BICRA: variants seen among roughly 807,000 people sequenced by gnomAD.
The protein encoded by BICRA is BRD4 interacting chromatin remodeling complex associated protein.
BICRA carries 31 observed loss-of-function variants against 96.9 expected under a neutral mutation model. That is an observed-to-expected ratio of 0.32 (90% CI 0.24 to 0.43). BICRA has a LOEUF of 0.43. Among genes scored for constraint, BICRA ranks in the 20% least tolerant of loss-of-function variants. The pLI is 1.00. For missense variants in BICRA, 2,283 were observed against 2,190.3 expected (o/e 1.04, Z -0.84); for synonymous variants, 1,350 against 1,071.8 (o/e 1.26, Z -5.07).
chr19:47,641,776 C>A (rs1413657341), intron 1 of BICRA, among the ~76,000 whole-genome samples: 2 of 152,006 alleles, frequency 1.3e-5, no homozygotes, highest in South Asian at 2.1e-4. Context: ...AATCTATAGA[C>A]CAATTTGAGT....
chr19:47,696,635 G>A, intron 11 of BICRA, 123 bp downstream of exon 11: 1 of 822,104 alleles, frequency 1.2e-6, no homozygotes, highest in Non-Finnish European at 1.9e-6. Flanking sequence ...TCCACCTCTT[G>A]GTAGCGATGT....
At chr19:47,637,240 C>T (rs904361578) in intron 1 of BICRA, among the ~76,000 whole-genome samples, 6 of 151,446 alleles carry the variant, frequency 4.0e-5, no homozygotes, top group African/African-American at 1.2e-4. Flanking sequence ...CTGCCTCAGC[C>T]TCCCAAGCAG....
intron 7 of BICRA, among the ~76,000 whole-genome samples, chr19:47,690,284 G>C (rs1973222305): frequency 6.6e-6 from 1 of 152,152 alleles, no homozygotes; most frequent in African/African-American, 2.4e-5. Flanking sequence ...TTACAGGTGT[G>C]AGCCACCGCG....
At position 47,653,987 on chromosome 19, in the gene BICRA, C is replaced by T. The variant is rs74690077; in HGVS notation, c.-107-16456C>T. ...AGCTGGTATTACAAGCGTGAGCCAC[C>T]GCACCCAGCCTTGGGCCAGTTTTTG... On this transcript the variant is annotated intron_variant, in intron 1 of 14. Transcript: ENST00000594866. Among the ~76,000 whole-genome samples the T allele has an allele frequency of 5.4e-3, 817 of 152,164 alleles. 5 individuals are homozygous for T. Among genetic ancestry groups the T allele is most frequent in the African/African-American group, 0.018 (747 of 41,504 alleles).
chr19:47,627,050 G>A (rs1044339352), intron 1 of BICRA, among the ~76,000 whole-genome samples: 1 of 151,950 alleles, frequency 6.6e-6, no homozygotes, highest in Admixed American at 6.6e-5. Flanking sequence ...ATCAAGCCTC[G>A]CTGCCCCCTT....
At chr19:47,638,231 C>T (rs1322118226) in intron 1 of BICRA, among the ~76,000 whole-genome samples, 2 of 152,158 alleles carry the variant, frequency 1.3e-5, no homozygotes, top group Non-Finnish European at 2.9e-5. Context: ...AGCTCTGCTC[C>T]CCCCTCAGGG....
At chr19:47,666,566 C>T (rs1972782394) in intron 1 of BICRA, among the ~76,000 whole-genome samples, 1 of 151,690 alleles carries the variant, frequency 6.6e-6, no homozygotes, top group Non-Finnish European at 1.5e-5. Context: ...TGTGAGCCAC[C>T]ACGCCCGGCC....
At chr19:47,657,365 A>G (rs1226138003) in intron 1 of BICRA, among the ~76,000 whole-genome samples, 1 of 151,170 alleles carries the variant, frequency 6.6e-6, no homozygotes, top group African/African-American at 2.4e-5. Flanking sequence ...TGCCATTTAC[A>G]GTTAGGGGCT....
chr19:47,638,486 A>T (rs1428085701), intron 1 of BICRA, among the ~76,000 whole-genome samples: 1 of 152,040 alleles, frequency 6.6e-6, no homozygotes, highest in Non-Finnish European at 1.5e-5. Flanking sequence ...ACTCCCAGCC[A>T]CCTATACCCA....
At chr19:47,673,885 G>T (rs1187753559) in intron 4 of BICRA, 123 bp downstream of exon 4, 1 of 855,160 alleles carries the variant, frequency 1.2e-6, no homozygotes, top group East Asian at 2.4e-5. Flanking sequence ...CTAACGCCAG[G>T]CACTGGAGTT....
At position 47,701,902 on chromosome 19, in the gene BICRA, CT is replaced by C; in HGVS notation, c.4171del (p.Tyr1391ThrfsTer54). The C allele has an allele frequency of 6.9e-7, 1 of 1,444,908 alleles. No individual in the cohort carries two copies. The highest frequency in any genetic ancestry group is 9.0e-7 in the Non-Finnish European group (1 of 1,107,266). 89.5% of individuals were successfully genotyped at this position (1,444,908 alleles called of 1,614,324 possible). A position where few individuals can be genotyped will look rare whatever the true frequency, so the allele number is the denominator to read the frequency against. The part of the protein sequence containing the change: ...HCPRLPLRKT[Y>X]RENVGGPGAP... Reference sequence around the variant, plus strand: ...GCCCGCGCCTGCCACTGCGCAAGACCTACCGCGAGAACGTGGGGGGCCCTGG... The same window carrying C: ...GCCCGCGCCTGCCACTGCGCAAGACCACCGCGAGAACGTGGGGGGCCCTGG... On this transcript the variant is annotated frameshift_variant, in exon 15 of 15. Coordinates refer to ENST00000594866, the MANE Select transcript of BICRA (RefSeq NM_001394372.1). LOFTEE classifies it high-confidence loss of function. The surrounding 1 kb of genome is among the most constrained non-coding windows in gnomAD (Gnocchi z 5.4).
rs551065175 is a variant in BICRA at position 47,631,388 on chromosome 19, C to T, written c.-108+22220C>T. On this transcript the variant is annotated intron_variant, in intron 1 of 14. Transcript: ENST00000594866. ...GATTACAGGCGCACGCCACCACACC[C>T]GGCTAATTTTTGTATTTTTAGTAAA... 6.6e-5 allele frequency among the ~76,000 whole-genome samples: 10 copies of T among 152,166 alleles called. No homozygotes were observed. The South Asian group carries it at 1.7e-3, about 25-fold the overall frequency.
chr19:47,627,406 C>G (rs1057433817), intron 1 of BICRA, among the ~76,000 whole-genome samples: 7 of 152,120 alleles, frequency 4.6e-5, no homozygotes, highest in African/African-American at 1.7e-4. Flanking sequence ...AGATGACATT[C>G]ATAGGTCAAC....
chr19:47,671,676 T>C (rs151203099), intron 2 of BICRA, among the ~76,000 whole-genome samples: 1 of 142,988 alleles, frequency 7.0e-6, no homozygotes, highest in Non-Finnish European at 1.5e-5. Flanking sequence ...GAGGGATGGG[T>C]AGGTAGACGG....
chr19:47,615,133 G>A (rs985499848), intron 1 of BICRA, among the ~76,000 whole-genome samples: 16 of 152,120 alleles, frequency 1.1e-4, no homozygotes, highest in Middle Eastern at 3.2e-3. Flanking sequence ...ACAGGTGCAC[G>A]CCACCACGCC....
rs1201322757 is a variant in BICRA at position 47,673,557 on chromosome 19, C to A, written c.-5-13C>A. 6.2e-7 allele frequency: 1 copy of A among 1,609,960 alleles called. No homozygotes were observed. On this transcript the variant is annotated splice_polypyrimidine_tract_variant and intron_variant, in intron 2 of 14. Coordinates refer to ENST00000594866, the MANE Select transcript of BICRA (RefSeq NM_001394372.1). ...TGTCTCCCTCGCCCTCTTCCTGACCCCACCCCATCCAGTGGCGATGGATGA... is the reference window on the plus strand; with the variant it reads ...TGTCTCCCTCGCCCTCTTCCTGACCACACCCCATCCAGTGGCGATGGATGA...
chr19:47,644,645 C>T (rs1006608706), intron 1 of BICRA, among the ~76,000 whole-genome samples: 1 of 151,868 alleles, frequency 6.6e-6, no homozygotes, highest in African/African-American at 2.4e-5. Flanking sequence ...GGATTACAGG[C>T]GCCCGCCACT....
chr19:47,693,701 C>T (rs894454627), intron 7 of BICRA, among the ~76,000 whole-genome samples: 3 of 152,200 alleles, frequency 2.0e-5, no homozygotes, highest in Admixed American at 2.0e-4. Context: ...CTGTGCTCGC[C>T]GCCCGGCCCT....
chr19:47,702,823 C>A lies in BICRA; in HGVS notation c.*408C>A. ...CTCAGATGGTGGAGGGTGCTGGGAG[C>A]TGGCAGGGTCCTTCCAGACAGTCTC... On this transcript the variant is annotated 3_prime_UTR_variant, in exon 15 of 15. Coordinates refer to ENST00000594866, the MANE Select transcript of BICRA (RefSeq NM_001394372.1). The A allele has an allele frequency of 4.7e-6, 1 of 210,562 alleles. No individual in the cohort carries two copies. The highest frequency in any genetic ancestry group is 9.4e-6 in the Non-Finnish European group (1 of 106,724). 13.0% of individuals were successfully genotyped at this position (210,562 alleles called of 1,614,324 possible). A position where few individuals can be genotyped will look rare whatever the true frequency, so the allele number is the denominator to read the frequency against.
Sources: gnomAD v4.1 joint callset for allele counts (sites outside exome capture counted in the v4.1 genomes callset) on GRCh38, gnomAD v4.1.1 for gene constraint, Gnocchi (gnomAD v3.1) non-coding constraint, MANE v1.5 for transcripts, NCBI Gene and HGNC (gene_info 2026-07-23, HGNC 2026-07-21) for gene names.